SARNP: variants seen among roughly 807,000 people sequenced by gnomAD.
SARNP encodes the protein SAP domain-containing ribonucleoprotein.
In SARNP, 5 loss-of-function variants were observed where a neutral mutation model predicts 38.1. The observed-to-expected ratio is 0.13, with a 90% confidence interval of 0.07 to 0.28. The LOEUF (loss-of-function observed/expected upper bound fraction) is 0.28, where lower values mean the gene tolerates loss of function less well. Ranked by LOEUF, SARNP falls within the 10% of genes least tolerant of loss-of-function variation. The pLI is 1.00. For missense variants in SARNP, 180 were observed against 243.9 expected, an observed-to-expected ratio of 0.74 and a Z score of 1.75; for synonymous variants, 84 against 80.6, an observed-to-expected ratio of 1.04 and a Z score of -0.23.
At chr12:55,771,602 C>A (rs2136183616) in intron 9 of SARNP, among the ~76,000 whole-genome samples, 1 of 152,196 alleles carries the variant, frequency 6.6e-6, no homozygotes, top group African/African-American at 2.4e-5. Context: ...TCAGGTACTG[C>A]TATTATTTTC....
intron 9 of SARNP, among the ~76,000 whole-genome samples, chr12:55,768,184 G>A (rs1307055731): frequency 1.3e-5 from 2 of 152,142 alleles, no homozygotes; most frequent in African/African-American, 2.4e-5. Context: ...GGAGCGCAAA[G>A]GCGTGACATC....
chr12:55,774,637 A>T (rs1879119015), intron 9 of SARNP, among the ~76,000 whole-genome samples: 1 of 150,328 alleles, frequency 6.7e-6, no homozygotes, highest in Non-Finnish European at 1.5e-5. Flanking sequence ...AATCCCAGCT[A>T]CTCGGGAGGT....
intron 9 of SARNP, among the ~76,000 whole-genome samples, chr12:55,782,168 T>C (rs1879358847): frequency 6.6e-6 from 1 of 152,228 alleles, no homozygotes; most frequent in African/African-American, 2.4e-5. Context: ...AGAAAAACTC[T>C]GGTACTATTC....
At chr12:55,763,544 G>A (rs1187944216) in intron 9 of SARNP, among the ~76,000 whole-genome samples, 2 of 152,166 alleles carry the variant, frequency 1.3e-5, no homozygotes, top group African/African-American at 4.8e-5. Flanking sequence ...CTGACCTCAG[G>A]TGATCCGCCC....
At chr12:55,765,509 ATTT>A (rs775918963) in intron 9 of SARNP, among the ~76,000 whole-genome samples, 1 of 144,628 alleles carries the variant, frequency 6.9e-6, no homozygotes. Flanking sequence ...TGCCTGGCTA[ATTT>A]TTTTTTTTTT....
chr12:55,786,312 A>AT (rs1879492603), intron 9 of SARNP, among the ~76,000 whole-genome samples: 1 of 152,180 alleles, frequency 6.6e-6, no homozygotes, highest in Admixed American at 6.6e-5. Flanking sequence ...GATGGAGTGA[A>AT]TTTTTACTGC....
intron 1 of SARNP, among the ~76,000 whole-genome samples, chr12:55,805,327 G>A (rs1022304523): frequency 2.0e-5 from 3 of 152,212 alleles, no homozygotes; most frequent in African/African-American, 7.2e-5. Flanking sequence ...TGAGTGGGGC[G>A]GGCAGGCAGG....
intron 9 of SARNP, among the ~76,000 whole-genome samples, chr12:55,788,378 T>G (rs963231223): frequency 6.6e-6 from 1 of 152,188 alleles, no homozygotes; most frequent in East Asian, 1.9e-4. Context: ...TCTAAGTACT[T>G]CTGACCTAAA....
At chr12:55,764,965 G>A (rs2136178889) in intron 9 of SARNP, among the ~76,000 whole-genome samples, 1 of 152,152 alleles carries the variant, frequency 6.6e-6, no homozygotes, top group African/African-American at 2.4e-5. Flanking sequence ...GAATATAAAT[G>A]GGGATTTCAA....
intron 9 of SARNP, among the ~76,000 whole-genome samples, chr12:55,772,712 C>CT (rs11428581): frequency 0.5 from 65,697 of 130,290 alleles, 19,797 homozygotes; most frequent in African/African-American, 0.84. Context: ...GAAGCTGAAA[C>CT]TTTTTTTTTT....
At chr12:55,793,673 G>A (rs1879738860) in intron 7 of SARNP, 1 of 150,882 alleles carries the variant, frequency 6.6e-6, no homozygotes, top group Admixed American at 6.6e-5. Flanking sequence ...TTCAAACCTT[G>A]CTGAAGTGTC....
intron 9 of SARNP, among the ~76,000 whole-genome samples, chr12:55,765,951 C>T (rs1316694044): frequency 6.6e-6 from 1 of 152,082 alleles, no homozygotes; most frequent in Non-Finnish European, 1.5e-5. Flanking sequence ...GTACAATAAA[C>T]TTCACTCCAT....
intron 9 of SARNP, among the ~76,000 whole-genome samples, chr12:55,779,715 C>T (rs1266352722): frequency 6.6e-6 from 1 of 152,150 alleles, no homozygotes; most frequent in Admixed American, 6.5e-5. Context: ...ATCCATAGTA[C>T]AGTAGTCCCT....
At chr12:55,771,340 C>T (rs1879002707) in intron 9 of SARNP, among the ~76,000 whole-genome samples, 1 of 152,154 alleles carries the variant, frequency 6.6e-6, no homozygotes, top group Non-Finnish European at 1.5e-5. Flanking sequence ...GTAACCCAAG[C>T]ATCATTAGGA....
chr12:55,754,244 G>A (rs964209229), downstream of SARNP: 2 of 152,162 alleles, frequency 1.3e-5, no homozygotes, highest in African/African-American at 4.8e-5. Flanking sequence ...TGGCTCATTT[G>A]TTTCCTATAT....
chr12:55,817,637 C>T (rs1437960480), intron 1 of SARNP, 29 bp downstream of exon 1: 2 of 1,605,526 alleles, frequency 1.2e-6, no homozygotes, highest in Admixed American at 1.7e-5. Flanking sequence ...TAGAAAAGTC[C>T]AACTCAGCCC....
intron 9 of SARNP, among the ~76,000 whole-genome samples, chr12:55,768,971 C>G (rs949280708): frequency 6.6e-6 from 1 of 152,192 alleles, no homozygotes; most frequent in Non-Finnish European, 1.5e-5. Context: ...CCCTCCTCAG[C>G]CTCTCAAAGT....
intron 3 of SARNP, 78 bp downstream of exon 3, chr12:55,800,776 T>C: frequency 1.5e-6 from 2 of 1,358,630 alleles, no homozygotes; most frequent in Non-Finnish European, 2.1e-6. Context: ...ATCTAAGTCC[T>C]CCAATGACTG....
chr12:55,768,061 C>T (rs572995392), intron 9 of SARNP, among the ~76,000 whole-genome samples: 1 of 152,170 alleles, frequency 6.6e-6, no homozygotes, highest in Middle Eastern at 3.4e-3. Context: ...AGTTACTGGA[C>T]AAAATCAGTC....
Sources: allele counts gnomAD v4.1 joint callset (sites outside exome capture counted in the v4.1 genomes callset), GRCh38; gene constraint gnomAD v4.1.1; transcripts MANE v1.5; gene names NCBI Gene and HGNC (gene_info 2026-07-23, HGNC 2026-07-21).